Variants in HGF observed in about 807,000 individuals in gnomAD.
The protein encoded by HGF is hepatocyte growth factor, also known as fibroblast-derived tumor cytotoxic factor.
HGF carries 39 observed loss-of-function variants against 111.6 expected under a neutral mutation model. The ratio of observed to expected loss-of-function variants is 0.35; its 90% CI spans 0.27 to 0.46. The LOEUF is 0.46. Ranked by LOEUF, HGF falls within the 20% of genes least tolerant of loss-of-function variation. HGF has a pLI of 1.00. For missense variants in HGF, 735 were observed against 910.5 expected, an observed-to-expected ratio of 0.81 and a Z score of 2.48; for synonymous variants, 285 against 294.8, an observed-to-expected ratio of 0.97 and a Z score of 0.34.
chr7:81,743,403 T>C lies in HGF; in HGVS notation c.815A>G (p.Tyr272Cys), dbSNP rs2116022968. ...CCAGCGGGTGTGAGGGTCAAGAGTA[T>C]AGCACCATGGCCTCGGCTGGCCATC... ...NPDGQPRPWC[Y>C]TLDPHTRWEY... Residue 272 changes from tyrosine to cysteine, a missense_variant, in exon 7 of 18, where the codon TAT becomes TGT. Physicochemically the swap from Tyr to Cys is radical, Grantham distance 194 (BLOSUM62 -2). Around this residue, in one of 3 missense-constraint regions of HGF, gnomAD observed 553 missense variants for 685.6 expected, o/e 0.81. Coordinates refer to ENST00000222390, the MANE Select transcript of HGF (RefSeq NM_000601.6). 1 of 1,613,820 alleles carries C rather than the reference T, an allele frequency of 6.2e-7. No homozygotes were observed. The highest frequency in any genetic ancestry group is 2.2e-5 in the East Asian group (1 of 44,860).
At chr7:81,713,209 C>T (rs751610465) in intron 11 of HGF, among the ~76,000 whole-genome samples, 2 of 152,042 alleles carry the variant, frequency 1.3e-5, no homozygotes, top group Non-Finnish European at 2.9e-5. Flanking sequence ...TTGTATCTTA[C>T]AATATATTTA....
chr7:81,762,644 T>A lies in HGF; in HGVS notation c.254+63A>T, dbSNP rs1023128856. The A allele has an allele frequency of 1.5e-5, 17 of 1,163,698 alleles. No homozygotes were observed. The Middle Eastern group carries it at 6.4e-4, about 44-fold the overall frequency. 72.1% of individuals were successfully genotyped at this position (1,163,698 alleles called of 1,614,324 possible). A position where few individuals can be genotyped will look rare whatever the true frequency, so the allele number is the denominator to read the frequency against. ...CATTGACTACAACACAAAAGACACA[T>A]GATTATAATACATGCATGCTATATT... On this transcript the variant is annotated intron_variant, in intron 2 of 17. Transcript: ENST00000222390.
At chr7:81,759,556 G>A (rs1788956018) in intron 2 of HGF, among the ~76,000 whole-genome samples, 1 of 152,082 alleles carries the variant, frequency 6.6e-6, no homozygotes, top group East Asian at 1.9e-4. Context: ...CCAGGCTGGA[G>A]TGCAGTGGTG....
chr7:81,760,598 A>G (rs951154517), intron 2 of HGF, among the ~76,000 whole-genome samples: 1 of 152,192 alleles, frequency 6.6e-6, no homozygotes, highest in Admixed American at 6.5e-5. Flanking sequence ...CCCTAAGTTC[A>G]TAGTATCATA....
chr7:81,727,916 T>G (rs1194042086), intron 8 of HGF, among the ~76,000 whole-genome samples: 2 of 152,334 alleles, frequency 1.3e-5, no homozygotes, highest in Non-Finnish European at 2.9e-5. Flanking sequence ...AGGTCCTTAC[T>G]TTTCACTTGA....
chr7:81,744,196 G>C (rs1788128844), intron 6 of HGF, among the ~76,000 whole-genome samples: 2 of 151,968 alleles, frequency 1.3e-5, no homozygotes, highest in Non-Finnish European at 2.9e-5. Context: ...GGAATTTCCT[G>C]TGTAATTATT....
At chr7:81,712,118 T>C (rs1050008421) in intron 11 of HGF, among the ~76,000 whole-genome samples, 2 of 152,164 alleles carry the variant, frequency 1.3e-5, no homozygotes, top group African/African-American at 2.4e-5. Flanking sequence ...TTGATGATCA[T>C]TGGCCATTTG....
chr7:81,753,676 G>C (rs1329262107), intron 4 of HGF, among the ~76,000 whole-genome samples: 1 of 151,926 alleles, frequency 6.6e-6, no homozygotes, highest in African/African-American at 2.4e-5. Context: ...TAGTGTAAGA[G>C]ACTTATTACT....
chr7:81,706,033 G>A (rs2115769142), intron 15 of HGF, among the ~76,000 whole-genome samples: 1 of 151,832 alleles, frequency 6.6e-6, no homozygotes, highest in South Asian at 2.1e-4. Flanking sequence ...TAACTGCTGA[G>A]TTTCCATTTT....
intron 10 of HGF, among the ~76,000 whole-genome samples, chr7:81,719,486 C>T (rs868796607): frequency 2.3e-4 from 35 of 151,838 alleles, no homozygotes; most frequent in African/African-American, 6.8e-4. Flanking sequence ...AATTGACAGG[C>T]GCTGTAAGTG....
intron 5 of HGF, among the ~76,000 whole-genome samples, chr7:81,750,240 G>T (rs780607763): frequency 1.3e-5 from 2 of 151,874 alleles, no homozygotes; most frequent in Non-Finnish European, 2.9e-5. Flanking sequence ...CTAACACATT[G>T]CTTGTGTTAG....
At position 81,762,742 on chromosome 7, in the gene HGF, T is replaced by A. The variant is rs746293406; in HGVS notation, c.219A>T (p.Arg73Ser). The A allele has an allele frequency of 6.2e-7, 1 of 1,612,958 alleles. No individual in the cohort carries two copies. The highest frequency in any genetic ancestry group is 1.7e-5 in the Admixed American group (1 of 60,018). Residue 73 changes from arginine (R) to serine (S), a missense_variant, in exon 2 of 18, where the codon AGA (arginine) becomes AGT (serine). Coordinates refer to ENST00000222390, the MANE Select transcript of HGF (RefSeq NM_000601.6). Reference protein sequence around the residue: ...KVNTADQCANRCTRNKGLPFT... With the variant: ...KVNTADQCANSCTRNKGLPFT... The stretch of plus-strand genomic sequence containing the variant: ...ATGGAAGTCCTTTATTCCTAGTACA[T>A]CTATTAGCACATTGGTCTGCAGTAT...
At position 81,729,670 on chromosome 7, in the gene HGF, T is replaced by A; in HGVS notation, c.975A>T (p.Pro325=). 3 of 1,613,986 alleles carry A rather than the reference T, an allele frequency of 1.9e-6. No individual in the cohort carries two copies. The highest frequency in any genetic ancestry group is 2.5e-6 in the Non-Finnish European group (3 of 1,179,850). ...GATACTGAGAATCCCAACGCTGACATGGAATTCCATTCCAAATGGTATTGA... is the reference window on the plus strand; with the variant it reads ...GATACTGAGAATCCCAACGCTGACAAGGAATTCCATTCCAAATGGTATTGA... ...GTVNTIWNGI[P]CQRWDSQYPH... Residue 325 remains proline (P), a synonymous_variant, in exon 8 of 18, where the codon CCA becomes CCT. Coordinates refer to ENST00000222390, the MANE Select transcript of HGF (RefSeq NM_000601.6).
chr7:81,750,641 C>G (rs1295671322), intron 5 of HGF, among the ~76,000 whole-genome samples: 1 of 151,904 alleles, frequency 6.6e-6, no homozygotes, highest in East Asian at 1.9e-4. Flanking sequence ...CCTTATAAAC[C>G]CGTAGTGGAA....
At chr7:81,769,750 G>A in intron 1 of HGF, 134 bp downstream of exon 1, 1 of 682,796 alleles carries the variant, frequency 1.5e-6, no homozygotes, top group East Asian at 2.7e-5. Flanking sequence ...AGAGCTTTTA[G>A]AAACCTATAC....
chr7:81,723,690 T>C (rs1789932651), intron 9 of HGF, among the ~76,000 whole-genome samples: 1 of 151,000 alleles, frequency 6.6e-6, no homozygotes, highest in African/African-American at 2.4e-5. Flanking sequence ...ATATATATAT[T>C]AATTCAGATG....
chr7:81,723,358 A>G (rs1377631091), intron 9 of HGF, among the ~76,000 whole-genome samples: 2 of 152,112 alleles, frequency 1.3e-5, no homozygotes, highest in Non-Finnish European at 2.9e-5. Flanking sequence ...AATATCCAGA[A>G]AGATGAAAAT....
intron 10 of HGF, 89 bp downstream of exon 10, chr7:81,720,655 GA>G: frequency 1.3e-6 from 1 of 767,520 alleles, no homozygotes; most frequent in South Asian, 1.5e-5. Context: ...ATATATAAAA[GA>G]ATAGAAAGAA....
chr7:81,763,257 G>T (rs1002871921), intron 1 of HGF, among the ~76,000 whole-genome samples: 15 of 152,018 alleles, frequency 9.9e-5, no homozygotes, highest in Non-Finnish European at 1.5e-5. Context: ...TTCTACAATT[G>T]GTCCTCATAT....
Sources: allele counts gnomAD v4.1 joint callset (sites outside exome capture counted in the v4.1 genomes callset), GRCh38; gene constraint gnomAD v4.1.1; regional missense constraint gnomAD v4.1.1; transcripts MANE v1.5; gene names NCBI Gene and HGNC (gene_info 2026-07-23, HGNC 2026-07-21).